The following RIMS2 variants were observed in gnomAD, a reference collection of about 807,000 sequenced individuals.
RIMS2 encodes regulating synaptic membrane exocytosis protein 2.
A neutral mutation model predicts 174.4 loss-of-function variants in RIMS2; 59 were observed. The ratio of observed to expected loss-of-function variants is 0.34; its 90% CI spans 0.27 to 0.42. The LOEUF (loss-of-function observed/expected upper bound fraction) is 0.42. Among genes scored for constraint, RIMS2 ranks in the 10% least tolerant of loss-of-function variants. The pLI, the probability that RIMS2 is intolerant of heterozygous loss-of-function variation, is 1.00. For missense variants in RIMS2, 1,620 were observed against 1,666.3 expected (o/e 0.97, Z 0.48); for synonymous variants, 606 against 572.5 (o/e 1.06, Z -0.84).
intron 2 of RIMS2, among the ~76,000 whole-genome samples, chr8:103,720,176 G>GTTTTT (rs1348964264): frequency 1.3e-5 from 2 of 152,064 alleles, no homozygotes; most frequent in South Asian, 4.1e-4. Context: ...TCAGAGGAAG[G>GTTTTT]TGCTCTGTGT....
chr8:103,822,479 TTAAC>T (rs753612863), intron 3 of RIMS2, among the ~76,000 whole-genome samples: 8 of 151,472 alleles, frequency 5.3e-5, no homozygotes, highest in Non-Finnish European at 7.4e-5. Flanking sequence ...AGTGAATTAA[TTAAC>T]TAATGATTAA....
intron 3 of RIMS2, among the ~76,000 whole-genome samples, chr8:103,817,607 C>T (rs2154471029): frequency 6.6e-6 from 1 of 152,150 alleles, no homozygotes; most frequent in East Asian, 1.9e-4. Flanking sequence ...ATGGTGAAAC[C>T]CTGTCTCCAC....
At chr8:103,846,066 A>G (rs942452593) in intron 3 of RIMS2, among the ~76,000 whole-genome samples, 1 of 152,038 alleles carries the variant, frequency 6.6e-6, no homozygotes, top group African/African-American at 2.4e-5. Flanking sequence ...TGACTGCCCA[A>G]TTTCTGCCCA....
chr8:104,157,274 A>G (rs1489540545), intron 19 of RIMS2, among the ~76,000 whole-genome samples: 2 of 152,226 alleles, frequency 1.3e-5, no homozygotes, highest in Non-Finnish European at 2.9e-5. Context: ...CTCGGCATGT[A>G]GCTAAGAAAG....
rs1373382539 is a variant in RIMS2, at chr8:103,583,790, A to G, written c.176+82728A>G. ...AGGACCTAGAACTAGAACTAGCCTC[A>G]AAAGGGCAAGTGTAAGTGTTATTGT... On this transcript the variant is annotated intron_variant, in intron 1 of 23. Transcript: ENST00000504942. Among the ~76,000 whole-genome samples the G allele has an allele frequency of 2.6e-5, 4 of 152,200 alleles. No homozygotes were observed. The East Asian group carries it at 7.7e-4, about 29-fold the overall frequency.
chr8:103,572,224 C>T (rs545500326), intron 1 of RIMS2, among the ~76,000 whole-genome samples: 2 of 152,138 alleles, frequency 1.3e-5, no homozygotes, highest in African/African-American at 2.4e-5. Flanking sequence ...CCAGAGTGAG[C>T]AGCAGTAAGA....
chr8:103,860,733 G>A (rs2099054225), intron 3 of RIMS2, among the ~76,000 whole-genome samples: 1 of 151,312 alleles, frequency 6.6e-6, no homozygotes, highest in Non-Finnish European at 1.5e-5. Flanking sequence ...TTTCTTCTAG[G>A]GTCAAGTAAG....
chr8:103,522,136 CAT>C (rs1228843956), intron 1 of RIMS2, among the ~76,000 whole-genome samples: 2 of 152,084 alleles, frequency 1.3e-5, no homozygotes, highest in Non-Finnish European at 2.9e-5. Flanking sequence ...CATTCTACTG[CAT>C]AGTCTTTTCT....
chr8:103,874,238 C>T (rs1172484193), intron 3 of RIMS2, among the ~76,000 whole-genome samples: 1 of 151,964 alleles, frequency 6.6e-6, no homozygotes, highest in Admixed American at 6.6e-5. Context: ...GACCAATGTC[C>T]TTAAGAGGCA....
intron 4 of RIMS2, among the ~76,000 whole-genome samples, chr8:103,903,859 G>A (rs2073787405): frequency 6.6e-6 from 1 of 152,098 alleles, no homozygotes; most frequent in African/African-American, 2.4e-5. Flanking sequence ...AGTATTTATA[G>A]ATTTGTAGGA....
At chr8:103,970,184 T>A (rs1039858480) in intron 15 of RIMS2, among the ~76,000 whole-genome samples, 2 of 152,198 alleles carry the variant, frequency 1.3e-5, no homozygotes, top group Non-Finnish European at 1.5e-5. Flanking sequence ...ATTCCTATGA[T>A]TAGGTCTCAG....
At chr8:104,181,861 A>G (rs558531214) in intron 19 of RIMS2, among the ~76,000 whole-genome samples, 4 of 151,712 alleles carry the variant, frequency 2.6e-5, no homozygotes, top group African/African-American at 7.2e-5. Flanking sequence ...TTATGTTTAC[A>G]TAGCCTTTTA....
chr8:104,095,773 A>C (rs1480994342), intron 19 of RIMS2, among the ~76,000 whole-genome samples: 1 of 152,130 alleles, frequency 6.6e-6, no homozygotes, highest in South Asian at 2.1e-4. Flanking sequence ...ATTTATAAGC[A>C]AGATTTTGCC....
downstream of RIMS2, chr8:104,252,221 C>A: frequency 4.8e-6 from 1 of 206,290 alleles, no homozygotes. Context: ...GCTATACAGC[C>A]ATGAAGCGGT....
intron 2 of RIMS2, among the ~76,000 whole-genome samples, chr8:103,762,444 G>A (rs1003518327): frequency 1.3e-5 from 2 of 152,054 alleles, no homozygotes; most frequent in Admixed American, 6.6e-5. Flanking sequence ...CGTTCTATTA[G>A]CAAAAGGCCT....
chr8:103,565,395 C>A (rs951039587), intron 1 of RIMS2, among the ~76,000 whole-genome samples: 3 of 152,012 alleles, frequency 2.0e-5, no homozygotes, highest in African/African-American at 7.3e-5. Flanking sequence ...AGCTCGACTG[C>A]CTGGGATCAG....
intron 2 of RIMS2, among the ~76,000 whole-genome samples, chr8:103,738,023 G>A (rs558520113): frequency 1.3e-5 from 2 of 152,176 alleles, no homozygotes; most frequent in Non-Finnish European, 2.9e-5. Context: ...ATAGGAACAT[G>A]TCTGTCTTCT....
At chr8:104,205,783 T>C (rs928638516) in intron 19 of RIMS2, among the ~76,000 whole-genome samples, 2 of 150,928 alleles carry the variant, frequency 1.3e-5, no homozygotes, top group African/African-American at 4.9e-5. Flanking sequence ...TGAGATGAAG[T>C]CTCGCTGTGT....
intron 19 of RIMS2, among the ~76,000 whole-genome samples, chr8:104,059,242 C>T (rs1339857076): frequency 1.3e-5 from 2 of 150,524 alleles, no homozygotes; most frequent in African/African-American, 4.9e-5. Flanking sequence ...TCTTTTATTT[C>T]CTTGAGCAGT....
Sources: gnomAD v4.1 joint callset for allele counts (sites outside exome capture counted in the v4.1 genomes callset) on GRCh38, gnomAD v4.1.1 for gene constraint, MANE v1.5 for transcripts, NCBI Gene and HGNC (gene_info 2026-07-23, HGNC 2026-07-21) for gene names.